The following ASB14 variants were observed in gnomAD, a reference collection of about 807,000 sequenced individuals.
ASB14 encodes the protein ankyrin repeat and SOCS box protein 14.
In ASB14, 63 loss-of-function variants were observed where a neutral mutation model predicts 55.6. The observed-to-expected ratio is 1.13, with a 90% CI of 0.92 to 1.40. The LOEUF (loss-of-function observed/expected upper bound fraction) is 1.40, where lower values mean the gene tolerates loss of function less well. Ranked by LOEUF, ASB14 falls within the 40% of genes most tolerant of loss-of-function variation. The pLI is 0.00. For missense variants in ASB14, 724 were observed against 710.4 expected, an observed-to-expected ratio of 1.02 and a Z score of -0.22; for synonymous variants, 256 against 259.9, an observed-to-expected ratio of 0.98 and a Z score of 0.15.
chr3:57,274,412 C>G (rs2060970669), intron 10 of ASB14, among the ~76,000 whole-genome samples: 1 of 152,202 alleles, frequency 6.6e-6, no homozygotes, highest in Non-Finnish European at 1.5e-5. Flanking sequence ...GCCTGGCACA[C>G]TGGCTCATGC....
intron 5 of ASB14, among the ~76,000 whole-genome samples, chr3:57,285,631 G>T (rs1373048677): frequency 6.6e-6 from 1 of 151,920 alleles, no homozygotes; most frequent in Non-Finnish European, 1.5e-5. Context: ...ACATCTTTTT[G>T]TTTTCCCTGG....
At chr3:57,275,451 C>CAAA (rs11323278) in intron 10 of ASB14, among the ~76,000 whole-genome samples, 1 of 114,474 alleles carries the variant, frequency 8.7e-6, no homozygotes, top group Non-Finnish European at 1.8e-5. Context: ...GACTCCATCT[C>CAAA]AAAAAAAAAA....
rs1217489712 is a variant in ASB14 at position 57,288,256 on chromosome 3, T to G, written c.209A>C (p.Lys70Thr). Residue 70 changes from lysine (K) to threonine (T), a missense_variant, in exon 4 of 11, where the codon AAG becomes ACG. Coordinates refer to ENST00000487349, the MANE Select transcript of ASB14 (RefSeq NM_001142733.3). ...TGCTTCACCAAATGCGGAATGGTAC[T>G]TGGTTAAGTGTGACAATGCATCTTC... ...GKEDALSHLTKYHSAFGEADE... is the reference protein window; with the variant it reads ...GKEDALSHLTTYHSAFGEADE... 6.5e-7 allele frequency: 1 copy of G among 1,537,044 alleles called. No homozygotes were observed. Among genetic ancestry groups the G allele is most frequent in the Non-Finnish European group, 8.7e-7 (1 of 1,146,664 alleles).
rs140921847 is a variant in ASB14, at chr3:57,287,936, G to C, written c.434C>G (p.Ala145Gly). 1.3e-6 allele frequency: 2 copies of C among 1,537,254 alleles called. No homozygotes were observed. The highest frequency in any genetic ancestry group is 1.7e-6 in the Non-Finnish European group (2 of 1,146,896). Residue 145 changes from alanine to glycine, a missense_variant, in exon 5 of 11, where the codon GCT (alanine) becomes GGT (glycine). By Grantham distance (60) the Ala-to-Gly change is moderately conservative. Coordinates refer to ENST00000487349, the MANE Select transcript of ASB14 (RefSeq NM_001142733.3). ...FLLLNGCNPN[A>G]KNFEGNSPLL... Reference sequence around the variant, plus strand: ...AGGAGAATTGCCTTCGAAATTCTTAGCATTTGGATTGCAGCCATTGAGAAG... The same window carrying C: ...AGGAGAATTGCCTTCGAAATTCTTACCATTTGGATTGCAGCCATTGAGAAG...
intron 1 of ASB14, 136 bp from the exon 2 acceptor site, chr3:57,292,240 A>C: frequency 1.9e-6 from 1 of 521,456 alleles, no homozygotes; most frequent in Non-Finnish European, 3.1e-6. Flanking sequence ...GGACTGCCAC[A>C]GATTCAACAA....
chr3:57,273,228 T>G (rs767288646), intron 10 of ASB14: 6 of 152,670 alleles, frequency 3.9e-5, no homozygotes, highest in Non-Finnish European at 5.9e-5. Context: ...TTGATTCTTA[T>G]TTCACTGATA....
Position 57,278,678 on chromosome 3 carries a change from C to G in ASB14, c.1130G>C (p.Ser377Thr). ...GTCTTGATTAGGCAGAGCTCCAGCA[C>G]TCAGAAGCAGCTTGACTGAAGAGAG... ...SDLSSVKLLL[S>T]AGALPNQDPV... Residue 377 changes from serine (S) to threonine (T), a missense_variant, in exon 8 of 11, where the codon AGT (serine) becomes ACT (threonine). Physicochemically the swap from Ser to Thr is moderately conservative, Grantham distance 58. Coordinates refer to ENST00000487349, the MANE Select transcript of ASB14 (RefSeq NM_001142733.3). The G allele has an allele frequency of 6.2e-7, 1 of 1,614,190 alleles. No homozygotes were observed. Among genetic ancestry groups the G allele is most frequent in the Non-Finnish European group, 8.5e-7 (1 of 1,180,044 alleles).
chr3:57,291,839 A>C, intron 2 of ASB14, 73 bp downstream of exon 2: 2 of 1,333,104 alleles, frequency 1.5e-6, no homozygotes, highest in South Asian at 3.0e-5. Context: ...ACAACACTAG[A>C]GTTAAGCTAA....
chr3:57,276,017 G>T (rs1460892857), intron 10 of ASB14, among the ~76,000 whole-genome samples: 1 of 152,100 alleles, frequency 6.6e-6, no homozygotes, highest in Non-Finnish European at 1.5e-5. Flanking sequence ...CTTCCACTGA[G>T]GGTCTTGGAA....
chr3:57,279,339 A>G (rs113059593), intron 7 of ASB14, among the ~76,000 whole-genome samples: 11,473 of 133,584 alleles, frequency 0.086, 1,620 homozygotes, highest in African/African-American at 0.3. Flanking sequence ...CAGTGGCGCA[A>G]TCTTGGCTCA....
In ASB14 at chr3:57,278,785, G is replaced by A. The variant is rs911950531; in HGVS notation, c.1023C>T (p.Asn341=). 7.4e-6 allele frequency: 12 copies of A among 1,613,472 alleles called. No homozygotes were observed. Among genetic ancestry groups the A allele is most frequent in the Non-Finnish European group, 1.0e-5 (12 of 1,179,720 alleles). The change falls in exon 8 of 11, where the codon AAC becomes AAT. Residue 341 remains asparagine (N), a synonymous_variant. Transcript: ENST00000487349. Reference sequence around the variant, plus strand: ...TGTTAATTCTCTGATCCAGCATGAAGTTCACATCAAATCCAGCCTGGATGA... The same window carrying A: ...TGTTAATTCTCTGATCCAGCATGAAATTCACATCAAATCCAGCCTGGATGA... ...ELLIQAGFDV[N]FMLDQRINKH...
In ASB14 at chr3:57,278,940, T is replaced by C. The variant is rs770424969; in HGVS notation, c.888-20A>G. 6.2e-7 allele frequency: 1 copy of C among 1,602,926 alleles called. No homozygotes were observed. The highest frequency in any genetic ancestry group is 1.7e-5 in the Admixed American group (1 of 59,814). ...AGAGCTCTGAGAAAGAATTTCAAAATGCATTTCAACATTGTTTTTAAGATG... is the reference window on the plus strand; with the variant it reads ...AGAGCTCTGAGAAAGAATTTCAAAACGCATTTCAACATTGTTTTTAAGATG... On this transcript the variant is annotated intron_variant, in intron 7 of 10. Transcript: ENST00000487349.
At position 57,278,474 on chromosome 3, in the gene ASB14, T is replaced by A; in HGVS notation, c.1334A>T (p.Tyr445Phe). 6.2e-7 allele frequency: 1 copy of A among 1,614,234 alleles called. No individual in the cohort carries two copies. Among genetic ancestry groups the A allele is most frequent in the Non-Finnish European group, 8.5e-7 (1 of 1,180,032 alleles). The change falls in exon 8 of 11, where the codon TAT becomes TTT. Residue 445 changes from tyrosine (Y) to phenylalanine (F), a missense_variant. Transcript: ENST00000487349. ...GCAATCAAAACATCGCTCTGTGTCA[T>A]ACCCATAGTTCAGCAGCATCCTGAG... ...VMLRMLLNYG[Y>F]DTERCFDCPH...
chr3:57,273,557 A>G (rs560495681), intron 10 of ASB14: 6 of 152,766 alleles, frequency 3.9e-5, no homozygotes, highest in Admixed American at 2.6e-4. Context: ...GACATTATAA[A>G]TTATACAGCT....
intron 10 of ASB14, 77 bp downstream of exon 10, chr3:57,276,451 T>C (rs2060987359): frequency 1.9e-6 from 2 of 1,077,044 alleles, no homozygotes; most frequent in Non-Finnish European, 2.7e-6. Flanking sequence ...TGCATTGAGA[T>C]TTTAGTTGGT....
chr3:57,281,074 AT>A (rs111551788), intron 6 of ASB14, among the ~76,000 whole-genome samples: 8,825 of 152,186 alleles, frequency 0.058, 873 homozygotes, highest in African/African-American at 0.2. Context: ...TTTAAAAAAA[AT>A]ATTTGCACTA....
chr3:57,290,324 T>C (rs1048403292), intron 2 of ASB14, among the ~76,000 whole-genome samples: 3 of 152,150 alleles, frequency 2.0e-5, no homozygotes, highest in Non-Finnish European at 4.4e-5. Flanking sequence ...TCTGCCTCCA[T>C]CTTCAAAGCC....
intron 10 of ASB14, among the ~76,000 whole-genome samples, chr3:57,274,636 G>C (rs2060972164): frequency 6.6e-6 from 1 of 152,170 alleles, no homozygotes; most frequent in African/African-American, 2.4e-5. Context: ...GCAGTGAGCT[G>C]AGATTGCACC....
At position 57,277,896 on chromosome 3, in the gene ASB14, A is replaced by G. The variant is rs1206958663; in HGVS notation, c.1456T>C (p.Trp486Arg). The change falls in exon 9 of 11, where the codon TGG becomes CGG. Residue 486 changes from tryptophan (W) to arginine (R), a missense_variant. Trp to Arg is a moderately radical substitution (Grantham distance 101, BLOSUM62 -3). Transcript: ENST00000487349. ...ACCTTTCCAGAGAGATGTTGCAGCCATGACAAAGTTATTACTTCACAGAAC... is the reference window on the plus strand; with the variant it reads ...ACCTTTCCAGAGAGATGTTGCAGCCGTGACAAAGTTATTACTTCACAGAAC... ...TKFCEVITLS[W>R]LQHLSGKVVR... 3.1e-6 allele frequency: 5 copies of G among 1,613,272 alleles called. No individual in the cohort carries two copies. The highest frequency in any genetic ancestry group is 1.3e-5 in the African/African-American group (1 of 74,912).
Sources: allele counts gnomAD v4.1 joint callset (sites outside exome capture counted in the v4.1 genomes callset), GRCh38; gene constraint gnomAD v4.1.1; transcripts MANE v1.5; gene names NCBI Gene and HGNC (gene_info 2026-07-23, HGNC 2026-07-21).